Variants in CAMK4 observed in about 807,000 individuals in gnomAD.
CAMK4 encodes the protein calcium/calmodulin dependent protein kinase IV, also known as calcium/calmodulin-dependent protein kinase type IV.
In CAMK4, 22 loss-of-function variants were observed where a neutral mutation model predicts 44.9. The observed-to-expected ratio is 0.49, with a 90% confidence interval of 0.35 to 0.70. CAMK4 has a LOEUF of 0.70. Among genes scored for constraint, CAMK4 ranks in the 30% least tolerant of loss-of-function variants. The probability of loss-of-function intolerance (pLI) is 0.01; values close to 1 mark genes in which losing one functional copy is unlikely to be tolerated. For missense variants in CAMK4, 498 were observed against 586.8 expected (o/e 0.85, Z 1.56); for synonymous variants, 218 against 215.4 (o/e 1.01, Z -0.11).
chr5:111,332,678 G>A (rs2112725130), intron 1 of CAMK4, among the ~76,000 whole-genome samples: 1 of 151,636 alleles, frequency 6.6e-6, no homozygotes, highest in East Asian at 2.0e-4. Flanking sequence ...CAAGCATAAA[G>A]ATGCAGGGTG....
chr5:111,432,709 T>C (rs1753502545), intron 5 of CAMK4, among the ~76,000 whole-genome samples: 1 of 150,328 alleles, frequency 6.7e-6, no homozygotes, highest in Non-Finnish European at 1.5e-5. Context: ...AAACATTTAT[T>C]AAGCACAAAT....
intron 1 of CAMK4, among the ~76,000 whole-genome samples, chr5:111,238,418 GCTGT>G (rs1748832364): frequency 6.6e-6 from 1 of 152,112 alleles, no homozygotes; most frequent in Non-Finnish European, 1.5e-5. Context: ...TTGCTCGCTC[GCTGT>G]CTCTCATCAC....
chr5:111,443,593 A>T (rs1177545524), intron 5 of CAMK4, among the ~76,000 whole-genome samples: 1 of 151,236 alleles, frequency 6.6e-6, no homozygotes, highest in Non-Finnish European at 1.5e-5. Context: ...GTGCCAAATG[A>T]TGTTTTCTTT....
chr5:111,238,893 A>G (rs1040099915), intron 1 of CAMK4, among the ~76,000 whole-genome samples: 2 of 138,754 alleles, frequency 1.4e-5, no homozygotes, highest in Admixed American at 7.8e-5. Context: ...GACTGGGACA[A>G]TTCTTCTGTG....
rs576658713 is a variant in CAMK4 at position 111,285,451 on chromosome 5, T to C, written c.162-58573T>C. ...ATAACATAATATGTCAGCAGGATGA[T>C]ACCTATTAGCTTTTCTAAATGTTTT... On this transcript the variant is annotated intron_variant, in intron 1 of 10. Transcript: ENST00000282356. Among the ~76,000 whole-genome samples the C allele has an allele frequency of 1.4e-3, 209 of 152,358 alleles. 2 individuals carry two copies. The highest frequency in any genetic ancestry group is 4.8e-3 in the African/African-American group (201 of 41,586).
chr5:111,350,336 AT>A (rs1211957479), intron 2 of CAMK4, among the ~76,000 whole-genome samples: 5 of 152,082 alleles, frequency 3.3e-5, no homozygotes, highest in Admixed American at 3.3e-4. Context: ...CATTAGCTTG[AT>A]TTAAAGTCAA....
Position 111,245,485 on chromosome 5 carries a change from C to T in CAMK4, c.161+20841C>T, listed in dbSNP as rs563212979. ...AATGTGGATACTAATACATTTTCTG[C>T]CATATCTTTTCTTCCTTTCTTGGTC... is the stretch of plus-strand genomic sequence containing the variant. On this transcript the variant is annotated intron_variant, in intron 1 of 10. Transcript: ENST00000282356. Among the ~76,000 whole-genome samples, 7 of 152,246 alleles carry T rather than the reference C, an allele frequency of 4.6e-5. No individual in the cohort carries two copies. In the East Asian group the frequency reaches 1.3e-3, roughly 29 times the overall value.
At chr5:111,299,570 A>C (rs1288945127) in intron 1 of CAMK4, among the ~76,000 whole-genome samples, 1 of 152,210 alleles carries the variant, frequency 6.6e-6, no homozygotes, top group Non-Finnish European at 1.5e-5. Flanking sequence ...TTAAATGAAA[A>C]TATTTTGGAT....
chr5:111,328,292 G>A (rs367562986), intron 1 of CAMK4, among the ~76,000 whole-genome samples: 1 of 151,310 alleles, frequency 6.6e-6, no homozygotes, highest in Non-Finnish European at 1.5e-5. Flanking sequence ...GCTTGTTTTT[G>A]TCAGGTTTGT....
At chr5:111,252,542 A>G (rs191996954) in intron 1 of CAMK4, among the ~76,000 whole-genome samples, 5 of 152,294 alleles carry the variant, frequency 3.3e-5, no homozygotes, top group Admixed American at 6.5e-5. Context: ...AGTGTAAAAA[A>G]TATCCTATGA....
intron 1 of CAMK4, among the ~76,000 whole-genome samples, chr5:111,266,531 T>G (rs974672789): frequency 1.3e-5 from 2 of 152,220 alleles, no homozygotes; most frequent in Admixed American, 1.3e-4. Context: ...GTCTCCTTAT[T>G]ATGAATTACT....
chr5:111,276,315 C>T (rs555052752), intron 1 of CAMK4, among the ~76,000 whole-genome samples: 1 of 152,268 alleles, frequency 6.6e-6, no homozygotes, highest in Non-Finnish European at 1.5e-5. Flanking sequence ...GCCTGTGGGC[C>T]ACCTCTACTC....
rs574659233 is a variant in CAMK4, at chr5:111,382,032, T to G, written c.386+5090T>G. 2.6e-5 allele frequency among the ~76,000 whole-genome samples: 4 copies of G among 152,308 alleles called. No individual in the cohort carries two copies. The South Asian group carries it at 8.3e-4, about 32-fold the overall frequency. On this transcript the variant is annotated intron_variant, in intron 4 of 10. Coordinates refer to ENST00000282356, the MANE Select transcript of CAMK4 (RefSeq NM_001744.6). ...ACTTTCTTTCTTATTAAGTCCAGTT[T>G]GTCTCTTGCACATCATTTCCAAGAA...
In CAMK4 at chr5:111,488,645, GT is replaced by G. The variant is rs2112514559; in HGVS notation, c.*4181del. ...ACAGAAGCAGCTGGTTGTATTTCAAGTTGGAAAAAGAAAAGTAAATGCCAGA... is the reference window on the plus strand; with the variant it reads ...ACAGAAGCAGCTGGTTGTATTTCAAGTGGAAAAAGAAAAGTAAATGCCAGA... On this transcript the variant is annotated 3_prime_UTR_variant, in exon 11 of 11. Transcript: ENST00000282356. 6.6e-6 allele frequency: 1 copy of G among 152,258 alleles called. No homozygotes were observed. Among genetic ancestry groups the G allele is most frequent in the South Asian group, 2.1e-4 (1 of 4,826 alleles). The allele number at this position is 152,258 out of a possible 1,614,324, so 9.4% of individuals were successfully genotyped here.
chr5:111,483,569 C>T lies in CAMK4; in HGVS notation c.982-457C>T, dbSNP rs1367005778. On this transcript the variant is annotated intron_variant, in intron 10 of 10. Coordinates refer to ENST00000282356, the MANE Select transcript of CAMK4 (RefSeq NM_001744.6). ...ACAGACTAAATAAATCTGAAAGGCT[C>T]CATGGTCAAATTAATTATAAATACC... 2.6e-5 allele frequency among the ~76,000 whole-genome samples: 4 copies of T among 152,048 alleles called. No individual in the cohort carries two copies. In the East Asian group the frequency reaches 5.8e-4, roughly 22 times the overall value.
At chr5:111,318,451 T>A (rs941929637) in intron 1 of CAMK4, among the ~76,000 whole-genome samples, 3 of 152,190 alleles carry the variant, frequency 2.0e-5, no homozygotes, top group Non-Finnish European at 4.4e-5. Context: ...CATAGCCATG[T>A]GGAACAGTTG....
At chr5:111,344,423 CACACACACAT>C (rs1749784038) in intron 2 of CAMK4, among the ~76,000 whole-genome samples, 2 of 50,558 alleles carry the variant, frequency 4.0e-5, no homozygotes, top group South Asian at 6.5e-4. Flanking sequence ...TATATACACA[CACACACACAT>C]ACACACACAC....
intron 1 of CAMK4, among the ~76,000 whole-genome samples, chr5:111,237,710 A>G (rs1415367300): frequency 1.3e-5 from 2 of 152,150 alleles, no homozygotes. Flanking sequence ...TTGACTTATG[A>G]CCTATTTGTG....
At chr5:111,442,691 C>T (rs1322415914) in intron 5 of CAMK4, among the ~76,000 whole-genome samples, 2 of 149,122 alleles carry the variant, frequency 1.3e-5, no homozygotes, top group Non-Finnish European at 3.0e-5. Flanking sequence ...AAGACTAGCA[C>T]TCTACTAATT....
Sources: gnomAD v4.1 joint callset for allele counts (sites outside exome capture counted in the v4.1 genomes callset) on GRCh38, gnomAD v4.1.1 for gene constraint, MANE v1.5 for transcripts, NCBI Gene and HGNC (gene_info 2026-07-23, HGNC 2026-07-21) for gene names.